SNX13: variants seen among roughly 807,000 people sequenced by gnomAD.
SNX13 encodes the protein sorting nexin-13.
Under a neutral mutation model 133.6 loss-of-function variants are expected in SNX13, and 45 were observed. The ratio of observed to expected loss-of-function variants is 0.34; its 90% CI spans 0.27 to 0.43. The LOEUF (loss-of-function observed/expected upper bound fraction) is 0.43, where lower values mean the gene tolerates loss of function less well. Among genes scored for constraint, SNX13 ranks in the 20% least tolerant of loss-of-function variants. The pLI is 1.00. For missense variants in SNX13, 1,032 were observed against 1,145.1 expected (o/e 0.90, Z 1.43); for synonymous variants, 414 against 373.9 (o/e 1.11, Z -1.24).
intron 18 of SNX13, among the ~76,000 whole-genome samples, chr7:17,816,585 C>A (rs1786691621): frequency 6.6e-6 from 1 of 152,082 alleles, no homozygotes; most frequent in Non-Finnish European, 1.5e-5. Flanking sequence ...ATAGCTTGAA[C>A]CCAGAAGGTA....
intron 20 of SNX13, among the ~76,000 whole-genome samples, chr7:17,810,198 G>C (rs1490415651): frequency 6.6e-6 from 1 of 152,012 alleles, no homozygotes; most frequent in African/African-American, 2.4e-5. Flanking sequence ...TTTTTGAAAA[G>C]ATCAACAAGA....
chr7:17,869,273 G>C, intron 8 of SNX13, among the ~76,000 whole-genome samples: 1 of 151,948 alleles, frequency 6.6e-6, no homozygotes, highest in East Asian at 1.9e-4. Flanking sequence ...CATATGAGTG[G>C]AATTGGTCAA....
intron 1 of SNX13, among the ~76,000 whole-genome samples, chr7:17,939,557 T>C (rs1247933071): frequency 1.3e-5 from 2 of 152,184 alleles, no homozygotes; most frequent in South Asian, 2.1e-4. Context: ...CATTAGGCAC[T>C]AGAAAAGGGA....
At chr7:17,898,443 A>G (rs1797454722) in intron 1 of SNX13, 1 of 152,206 alleles carries the variant, frequency 6.6e-6, no homozygotes, top group South Asian at 2.1e-4. Context: ...GGAGGGCTTT[A>G]TTTATTCATT....
chr7:17,862,127 A>C (rs906973943), intron 9 of SNX13, among the ~76,000 whole-genome samples: 1 of 152,216 alleles, frequency 6.6e-6, no homozygotes, highest in Non-Finnish European at 1.5e-5. Context: ...ACATGCTCAG[A>C]AACAGAAAAC....
chr7:17,860,792 G>T (rs933023076), intron 9 of SNX13, among the ~76,000 whole-genome samples: 79 of 152,150 alleles, frequency 5.2e-4, no homozygotes, highest in African/African-American at 1.8e-3. Flanking sequence ...TTACTTCTCA[G>T]TTCTCTATTC....
At chr7:17,891,747 A>G (rs1465900452) in intron 3 of SNX13, 112 bp from the exon 4 acceptor site, 9 of 661,010 alleles carry the variant, frequency 1.4e-5, no homozygotes, top group Admixed American at 2.9e-5. Flanking sequence ...CAAGTAAATA[A>G]ATAACCTTAT....
intron 1 of SNX13, among the ~76,000 whole-genome samples, chr7:17,916,268 G>T (rs1291714133): frequency 1.3e-5 from 2 of 151,984 alleles, no homozygotes; most frequent in African/African-American, 4.8e-5. Context: ...ACGAGCAGAA[G>T]AATAAACTCA....
intron 17 of SNX13, among the ~76,000 whole-genome samples, chr7:17,824,457 AAT>A (rs1787650138): frequency 6.6e-6 from 1 of 152,178 alleles, no homozygotes; most frequent in African/African-American, 2.4e-5. Context: ...CCAAAAATCA[AAT>A]ATGTTTACCA....
At chr7:17,889,431 C>T (rs1359123428) in intron 5 of SNX13, 2 of 151,880 alleles carry the variant, frequency 1.3e-5, no homozygotes, top group Non-Finnish European at 2.9e-5. Context: ...CCTGAGAGGG[C>T]AGCATGGCTG....
At position 17,839,884 on chromosome 7, in the gene SNX13, T is replaced by C. The variant is rs1789662863; in HGVS notation, c.1282A>G (p.Lys428Glu). The C allele has an allele frequency of 6.2e-7, 1 of 1,611,922 alleles. No homozygotes were observed. The highest frequency in any genetic ancestry group is 1.7e-5 in the Admixed American group (1 of 59,770). Reference protein sequence around the residue: ...EVLLSRQRDGKHQTNQTKGLL... With the variant: ...EVLLSRQRDGEHQTNQTKGLL... ...CCTTTGGTTTGGTTGGTTTGATGTT[T>C]TCCATCTCTCTGACGACTTAATAAA... Residue 428 changes from lysine to glutamate, a missense_variant, in exon 13 of 26, where the codon AAA becomes GAA. Lys to Glu is a moderately conservative substitution (Grantham distance 56, BLOSUM62 1). Coordinates refer to ENST00000428135, the MANE Select transcript of SNX13 (RefSeq NM_015132.5).
rs866803118 is a variant in SNX13 at position 17,826,075 on chromosome 7, G to T, written c.1652C>A (p.Ser551Ter). The change falls in exon 17 of 26, where the codon TCA becomes TAA. Residue 551 changes from serine (S) to a stop codon, truncating the protein, a stop_gained. Coordinates refer to ENST00000428135, the MANE Select transcript of SNX13 (RefSeq NM_015132.5). LOFTEE classifies it high-confidence loss of function. ...TACTGAGTCATCAGAAGAAACATTT[G>T]AAAGGTCATCTAAAGACTGAGAAAA... ...GSINLSLDDL[S>*]NVSSDDSVQL... The T allele has an allele frequency of 6.4e-7, 1 of 1,552,266 alleles. No homozygotes were observed.
chr7:17,898,595 C>G (rs1562490920), intron 1 of SNX13, among the ~76,000 whole-genome samples: 1 of 152,086 alleles, frequency 6.6e-6, no homozygotes, highest in Non-Finnish European at 1.5e-5. Context: ...GTTCACATAC[C>G]TTCATAAGTT....
chr7:17,864,948 A>T (rs1373719732), intron 9 of SNX13, among the ~76,000 whole-genome samples: 1 of 152,140 alleles, frequency 6.6e-6, no homozygotes, highest in Non-Finnish European at 1.5e-5. Context: ...TCATTCATAC[A>T]TTCAAAGTGC....
intron 9 of SNX13, among the ~76,000 whole-genome samples, chr7:17,866,915 T>C (rs578159797): frequency 2.0e-5 from 3 of 152,330 alleles, no homozygotes; most frequent in African/African-American, 7.2e-5. Flanking sequence ...ATACCCCAAT[T>C]ATCCTGATTT....
rs764745765 is a variant in SNX13, at chr7:17,834,885, G to A, written c.1360-20C>T. The A allele has an allele frequency of 7.3e-7, 1 of 1,369,020 alleles. No homozygotes were observed. Among genetic ancestry groups the A allele is most frequent in the Admixed American group, 1.8e-5 (1 of 56,056 alleles). 84.8% of individuals were successfully genotyped at this position (1,369,020 alleles called of 1,614,324 possible). A position where few individuals can be genotyped will look rare whatever the true frequency, so the allele number is the denominator to read the frequency against. On this transcript the variant is annotated intron_variant, in intron 13 of 25. Coordinates refer to ENST00000428135, the MANE Select transcript of SNX13 (RefSeq NM_015132.5). ...AGATGCCTAACAGAGAAAAATAATA[G>A]TAATGATCTCTGTAATTTCTTAATA...
At chr7:17,936,526 C>T (rs1802046977) in intron 1 of SNX13, among the ~76,000 whole-genome samples, 1 of 152,180 alleles carries the variant, frequency 6.6e-6, no homozygotes. Flanking sequence ...AGTGACAACA[C>T]GTTGATAACT....
At chr7:17,838,887 T>C (rs1029744503) in intron 13 of SNX13, among the ~76,000 whole-genome samples, 2 of 151,668 alleles carry the variant, frequency 1.3e-5, no homozygotes, top group African/African-American at 4.8e-5. Context: ...TCATGTGTTC[T>C]GGAAAATAAT....
chr7:17,895,324 A>T (rs1797085999), intron 2 of SNX13, among the ~76,000 whole-genome samples: 1 of 152,196 alleles, frequency 6.6e-6, no homozygotes, highest in Admixed American at 6.5e-5. Context: ...GCCACAAAAT[A>T]ACCATAATGC....
Sources: gnomAD v4.1 joint callset for allele counts (sites outside exome capture counted in the v4.1 genomes callset) on GRCh38, gnomAD v4.1.1 for gene constraint, MANE v1.5 for transcripts, NCBI Gene and HGNC (gene_info 2026-07-23, HGNC 2026-07-21) for gene names.